CARHSP1: variants seen among roughly 807,000 people sequenced by gnomAD.
CARHSP1 encodes the protein calcium-regulated heat-stable protein 1.
Under a neutral mutation model 12.5 loss-of-function variants are expected in CARHSP1, and 14 were observed. The ratio of observed to expected loss-of-function variants is 1.12; its 90% confidence interval spans 0.74 to 1.75. CARHSP1 has a LOEUF of 1.75. CARHSP1 is among the 40% of genes most tolerant of loss of function. The pLI is 0.00. For missense variants in CARHSP1, 343 were observed against 201.6 expected (o/e 1.70, Z -4.25); for synonymous variants, 161 against 82.0 (o/e 1.96, Z -5.20).
At chr16:8,858,548 C>T (rs1307877013) in intron 2 of CARHSP1, 76 bp from the exon 3 acceptor site, 1 of 1,556,140 alleles carries the variant, frequency 6.4e-7, no homozygotes, top group Non-Finnish European at 8.7e-7. Flanking sequence ...CCCCTGCCCA[C>T]AGCTGTGCCC....
At chr16:8,859,689 A>C in intron 1 of CARHSP1, 1 of 176,502 alleles carries the variant, frequency 5.7e-6, no homozygotes, top group Non-Finnish European at 1.2e-5. Flanking sequence ...GAAAACCCAA[A>C]GCCAGGGGCC....
chr16:8,855,117 T>G lies in CARHSP1; in HGVS notation c.*47A>C, dbSNP rs6898. On this transcript the variant is annotated 3_prime_UTR_variant, in exon 4 of 4. Coordinates refer to ENST00000311052, the MANE Select transcript of CARHSP1 (RefSeq NM_014316.4). ...TCTCCAGTGTCTGCTGCCTCCTCCC[T>G]GCAAAGTCTCCCACAAGCACAGGAC... The G allele has an allele frequency of 1.7e-5, 25 of 1,432,280 alleles. No homozygotes were observed. The highest frequency in any genetic ancestry group is 5.3e-5 in the East Asian group (2 of 37,918). The allele number at this position is 1,432,280 out of a possible 1,614,324, so 88.7% of individuals were successfully genotyped here.
At chr16:8,865,973 A>G (rs1272790671) in intron 1 of CARHSP1, among the ~76,000 whole-genome samples, 1 of 151,794 alleles carries the variant, frequency 6.6e-6, no homozygotes, top group Non-Finnish European at 1.5e-5. Context: ...ATTTTTTTTG[A>G]GACAGGGTCT....
At chr16:8,862,585 C>T (rs922837649) in intron 1 of CARHSP1, among the ~76,000 whole-genome samples, 2 of 152,144 alleles carry the variant, frequency 1.3e-5, no homozygotes, top group African/African-American at 4.8e-5. Flanking sequence ...GGTGGGAATA[C>T]ACACGCTAAT....
intron 1 of CARHSP1, among the ~76,000 whole-genome samples, chr16:8,865,464 G>C (rs773794251): frequency 3.2e-4 from 48 of 152,210 alleles, no homozygotes; most frequent in Non-Finnish European, 6.2e-4. Flanking sequence ...GATGATAGAA[G>C]GCAGGGGGAT....
intron 3 of CARHSP1, among the ~76,000 whole-genome samples, chr16:8,855,962 C>G (rs766434333): frequency 5.3e-5 from 8 of 151,910 alleles, no homozygotes; most frequent in Non-Finnish European, 1.2e-4. Context: ...ACTATAGGCA[C>G]CACAGCCAGC....
intron 1 of CARHSP1, among the ~76,000 whole-genome samples, chr16:8,865,770 C>A (rs1012791169): frequency 6.6e-6 from 1 of 152,178 alleles, no homozygotes; most frequent in Non-Finnish European, 1.5e-5. Flanking sequence ...ACTACATGCA[C>A]GTAAACATCG....
At chr16:8,856,274 A>G (rs1279880543) in intron 3 of CARHSP1, among the ~76,000 whole-genome samples, 1 of 151,922 alleles carries the variant, frequency 6.6e-6, no homozygotes, top group African/African-American at 2.4e-5. Flanking sequence ...ACCCCCCCAG[A>G]GGAAAACCCC....
At chr16:8,868,484 C>T (rs1484029088) in intron 1 of CARHSP1, 1 of 150,698 alleles carries the variant, frequency 6.6e-6, no homozygotes, top group East Asian at 2.0e-4. Flanking sequence ...TCGCGCGGCG[C>T]CAGGACGGCT....
At position 8,857,281 on chromosome 16, in the gene CARHSP1, T is replaced by TG. The variant is rs1567181234; in HGVS notation, c.281+1068_281+1069insC. ...CAGATCTGTTTTTTTTTTTTTTTTT[T>TG]TTTTTTTTTTTTTTTTTTGAGATGG... On this transcript the variant is annotated intron_variant, in intron 3 of 3. Transcript: ENST00000311052. Among the ~76,000 whole-genome samples the TG allele has an allele frequency of 6.0e-4, 74 of 123,038 alleles. 4 individuals are homozygous for TG. Among genetic ancestry groups the TG allele is most frequent in the Admixed American group, 2.1e-3 (26 of 12,516 alleles). 80.7% of individuals were successfully genotyped at this position (123,038 alleles called of 152,430 possible).
chr16:8,855,128 C>A lies in CARHSP1; in HGVS notation c.*36G>T. On this transcript the variant is annotated 3_prime_UTR_variant, in exon 4 of 4. Coordinates refer to ENST00000311052, the MANE Select transcript of CARHSP1 (RefSeq NM_014316.4). ...TGCTGCCTCCTCCCTGCAAAGTCTC[C>A]CACAAGCACAGGACAAGGGGTGCTT... 2 of 1,479,226 alleles carry A rather than the reference C, an allele frequency of 1.4e-6. No homozygotes were observed. Among genetic ancestry groups the A allele is most frequent in the Non-Finnish European group, 1.8e-6 (2 of 1,103,318 alleles). 91.6% of individuals were successfully genotyped at this position (1,479,226 alleles called of 1,614,324 possible).
At chr16:8,861,569 C>G (rs1204518711) in intron 1 of CARHSP1, 2 of 1,253,732 alleles carry the variant, frequency 1.6e-6, no homozygotes, top group East Asian at 5.6e-5. Context: ...TGTCAGAACC[C>G]CTCCCCAGAC....
chr16:8,855,772 C>G (rs1192473328), intron 3 of CARHSP1, among the ~76,000 whole-genome samples: 1 of 152,186 alleles, frequency 6.6e-6, no homozygotes, highest in Non-Finnish European at 1.5e-5. Context: ...GCCCCTGGTT[C>G]CAGGAGTCTC....
intron 3 of CARHSP1, 151 bp from the exon 4 acceptor site, chr16:8,855,477 C>T (rs2061069851): frequency 1.6e-6 from 1 of 610,784 alleles, no homozygotes; most frequent in South Asian, 3.4e-5. Context: ...TGCCCCTCCA[C>T]CAGAGGGAGC....
chr16:8,859,610 G>A (rs1181778627), intron 1 of CARHSP1, among the ~76,000 whole-genome samples: 1 of 152,060 alleles, frequency 6.6e-6, no homozygotes, highest in African/African-American at 2.4e-5. Flanking sequence ...TGTGTCCCCA[G>A]CACAAGGCAT....
chr16:8,863,894 C>T (rs1373060215), intron 1 of CARHSP1, among the ~76,000 whole-genome samples: 2 of 152,192 alleles, frequency 1.3e-5, no homozygotes, highest in Non-Finnish European at 2.9e-5. Context: ...CCAGCACAGT[C>T]CCAGCTTCCA....
At chr16:8,865,365 C>T (rs2141127189) in intron 1 of CARHSP1, among the ~76,000 whole-genome samples, 1 of 152,210 alleles carries the variant, frequency 6.6e-6, no homozygotes, top group East Asian at 1.9e-4. Context: ...CCGCTTCAGC[C>T]TCCCAAAGTC....
rs71155409 is a variant in CARHSP1 at position 8,857,759 on chromosome 16, A to ATTTTTT, written c.281+585_281+590dup. 6.2e-4 allele frequency: 72 copies of ATTTTTT among 116,444 alleles called. 2 individuals are homozygous for ATTTTTT. The highest frequency in any genetic ancestry group is 8.7e-4 in the Non-Finnish European group (52 of 59,784). The allele number at this position is 116,444 out of a possible 1,614,324, so 7.2% of individuals were successfully genotyped here. On this transcript the variant is annotated intron_variant, in intron 3 of 3. Transcript: ENST00000311052. ...CACCTGTCACCACGCCCTGCTCATTATTTTTTTTTTTTTTTTTTTGAGATG... is the reference window on the plus strand; with the variant it reads ...CACCTGTCACCACGCCCTGCTCATTATTTTTTTTTTTTTTTTTTTTTTTTTGAGATG...
At chr16:8,861,788 C>T (rs1296447267) in intron 1 of CARHSP1, 100 of 1,260,388 alleles carry the variant, frequency 7.9e-5, no homozygotes, top group Non-Finnish European at 1.0e-4. Context: ...GACCTACCAG[C>T]ACAGGTCATA....
Sources: allele counts gnomAD v4.1 joint callset (sites outside exome capture counted in the v4.1 genomes callset), GRCh38; gene constraint gnomAD v4.1.1; transcripts MANE v1.5; gene names NCBI Gene and HGNC (gene_info 2026-07-23, HGNC 2026-07-21).